The following USP4 variants were observed in gnomAD, a reference collection of about 807,000 sequenced individuals.
USP4 encodes the protein ubiquitin carboxyl-terminal hydrolase 4.
USP4 carries 72 observed loss-of-function variants against 118.2 expected under a neutral mutation model. That is an observed-to-expected ratio of 0.61 (90% CI 0.50 to 0.74). The LOEUF (loss-of-function observed/expected upper bound fraction) is 0.74. Ranked by LOEUF, USP4 falls within the 30% of genes least tolerant of loss-of-function variation. The probability of loss-of-function intolerance (pLI) is 0.00; values close to 1 mark genes in which losing one functional copy is unlikely to be tolerated. For missense variants in USP4, 1,037 were observed against 1,185.7 expected (o/e 0.87, Z 1.84); for synonymous variants, 415 against 440.4 (o/e 0.94, Z 0.72).
In USP4 at chr3:49,335,539, G is replaced by T; in HGVS notation, c.159C>A (p.Ser53Arg). 1 of 1,614,202 alleles carries T rather than the reference G, an allele frequency of 6.2e-7. No individual in the cohort carries two copies. The highest frequency in any genetic ancestry group is 2.2e-5 in the East Asian group (1 of 44,890). The stretch of plus-strand genomic sequence containing the variant: ...GTTCACCCACATTGTACATGTCCCA[G>T]CTGTCAAAGCCCACATACTTCTTCC... The part of the protein sequence containing the change: ...KQWKKYVGFD[S>R]WDMYNVGEHN... The change falls in exon 2 of 22, where the codon AGC becomes AGA. Residue 53 changes from serine to arginine, a missense_variant. This residue lies in a region of USP4 where 487 missense variants were observed against 534.1 expected (regional missense o/e 0.91). Coordinates refer to ENST00000265560, the MANE Select transcript of USP4 (RefSeq NM_003363.4).
chr3:49,328,131 G>A (rs372034742), intron 2 of USP4, among the ~76,000 whole-genome samples: 9 of 151,936 alleles, frequency 5.9e-5, no homozygotes, highest in African/African-American at 1.2e-4. Context: ...AGGCTGAGGC[G>A]GTTGGATCAT....
At chr3:49,334,126 T>C (rs1028843134) in intron 2 of USP4, among the ~76,000 whole-genome samples, 15 of 152,188 alleles carry the variant, frequency 9.9e-5, no homozygotes, top group African/African-American at 3.6e-4. Flanking sequence ...AGACATGAAG[T>C]GAGCACATGC....
At chr3:49,300,432 A>G in intron 11 of USP4, 35 bp downstream of exon 11, 5 of 1,592,632 alleles carry the variant, frequency 3.1e-6, no homozygotes, top group Non-Finnish European at 4.3e-6. Flanking sequence ...GACCACTTGC[A>G]GTGAGGGGTG....
In USP4 at chr3:49,327,754, T is replaced by C. The variant is rs899807557; in HGVS notation, c.292A>G (p.Thr98Ala). The change falls in exon 3 of 22, where the codon ACC (threonine) becomes GCC (alanine). Residue 98 changes from threonine to alanine, a missense_variant. Transcript: ENST00000265560. ...IDELDYVLVP[T>A]EAWNKLLNWY... ...TTTAGTAGTTTATTCCACGCCTCGGTAGGGACCAATACATAGTCCAATTCA... is the reference window on the plus strand; with the variant it reads ...TTTAGTAGTTTATTCCACGCCTCGGCAGGGACCAATACATAGTCCAATTCA... 1.2e-6 allele frequency: 2 copies of C among 1,613,852 alleles called. No individual in the cohort carries two copies. The highest frequency in any genetic ancestry group is 2.2e-5 in the East Asian group (1 of 44,886).
chr3:49,329,957 T>A (rs1444664676), intron 2 of USP4, among the ~76,000 whole-genome samples: 3 of 151,954 alleles, frequency 2.0e-5, no homozygotes, highest in Non-Finnish European at 4.4e-5. Context: ...CTGGCCAACA[T>A]GGTGAAACCT....
At position 49,298,043 on chromosome 3, in the gene USP4, G is replaced by GA. The variant is rs547623796; in HGVS notation, c.1597-80dup. The GA allele has an allele frequency of 7.1e-3, 5,858 of 824,190 alleles. 1 individual carries two copies. Among genetic ancestry groups the GA allele is most frequent in the South Asian group, 9.9e-3 (597 of 60,492 alleles). The allele number at this position is 824,190 out of a possible 1,614,324, so 51.1% of individuals were successfully genotyped here. ...AACTGCTTAAAACCCAGAAACAAAT[G>GA]AAAAAAAAAATACTCATACTCAAAT... On this transcript the variant is annotated intron_variant, in intron 12 of 21. Coordinates refer to ENST00000265560, the MANE Select transcript of USP4 (RefSeq NM_003363.4).
chr3:49,317,826 A>G (rs2107793508), intron 6 of USP4, among the ~76,000 whole-genome samples: 1 of 150,738 alleles, frequency 6.6e-6, no homozygotes, highest in African/African-American at 2.4e-5. Context: ...TGCTGGGATT[A>G]CAGGCATGAG....
At chr3:49,281,491 TAC>T (rs71077782) in intron 19 of USP4, among the ~76,000 whole-genome samples, 20,660 of 126,284 alleles carry the variant, frequency 0.16, 1,892 homozygotes, top group Non-Finnish European at 0.21. Context: ...TATATATATA[TAC>T]ACACACACAC....
At chr3:49,337,424 A>T (rs1337867727) in intron 1 of USP4, among the ~76,000 whole-genome samples, 1 of 152,104 alleles carries the variant, frequency 6.6e-6, no homozygotes, top group Non-Finnish European at 1.5e-5. Context: ...AATGTAAGCA[A>T]ATGTGGTATT....
chr3:49,311,899 T>C, intron 6 of USP4: 5 of 1,174,618 alleles, frequency 4.3e-6, no homozygotes, highest in Non-Finnish European at 5.3e-6. Flanking sequence ...ACCACAAGGC[T>C]GACCAGGCGC....
At chr3:49,330,469 A>G (rs976321021) in intron 2 of USP4, among the ~76,000 whole-genome samples, 32 of 151,718 alleles carry the variant, frequency 2.1e-4, no homozygotes, top group Non-Finnish European at 1.5e-5. Context: ...CTGGGACTAC[A>G]GGCACCCGCC....
chr3:49,309,118 G>C (rs2047353372), intron 8 of USP4, among the ~76,000 whole-genome samples: 1 of 150,446 alleles, frequency 6.6e-6, no homozygotes. Flanking sequence ...TGATCCTCCT[G>C]ACCTCTGCCC....
chr3:49,324,062 G>A (rs556371574), intron 6 of USP4, among the ~76,000 whole-genome samples: 12 of 151,768 alleles, frequency 7.9e-5, no homozygotes, highest in South Asian at 4.2e-4. Context: ...ATAATGGTGC[G>A]ATCTCAGCTC....
chr3:49,283,803 T>C (rs1246218868), intron 19 of USP4, among the ~76,000 whole-genome samples, 184 bp downstream of exon 19: 1 of 152,168 alleles, frequency 6.6e-6, no homozygotes, highest in East Asian at 1.9e-4. Flanking sequence ...CTGGAGAGTC[T>C]CTTCCCCAAA....
intron 12 of USP4, 90 bp downstream of exon 12, chr3:49,298,462 C>T (rs2047231319): frequency 8.0e-7 from 1 of 1,251,314 alleles, no homozygotes; most frequent in Non-Finnish European, 1.2e-6. Context: ...ATAACAACAA[C>T]CCCAAAAAGT....
intron 9 of USP4, among the ~76,000 whole-genome samples, chr3:49,305,275 T>G (rs2047302719): frequency 6.7e-6 from 1 of 148,182 alleles, no homozygotes; most frequent in Non-Finnish European, 1.5e-5. Context: ...AGACGGGGTT[T>G]CACCATGTTA....
At position 49,278,299 on chromosome 3, in the gene USP4, G is replaced by C. The variant is rs775870131; in HGVS notation, c.2886C>G (p.Thr962=). Residue 962 remains threonine (T), a synonymous_variant, in exon 22 of 22, where the codon ACC becomes ACG. Transcript: ENST00000265560. ...FGDDEACSMD[T]N Reference sequence around the variant, plus strand: ...CAGGATCGTGGAGTCAGCATTAGTTGGTGTCCATGCTGCAAGCCTCATCAT... The same window carrying C: ...CAGGATCGTGGAGTCAGCATTAGTTCGTGTCCATGCTGCAAGCCTCATCAT... 3.1e-6 allele frequency: 5 copies of C among 1,613,482 alleles called. No homozygotes were observed. The East Asian group carries it at 8.9e-5, about 29-fold the overall frequency.
intron 15 of USP4, among the ~76,000 whole-genome samples, chr3:49,292,286 TG>T (rs2047159331): frequency 7.5e-6 from 1 of 134,076 alleles, no homozygotes; most frequent in African/African-American, 2.8e-5. Context: ...GACCCCTATC[TG>T]GAAAAAAAAA....
At chr3:49,338,895 C>G (rs1276372563) in intron 1 of USP4, among the ~76,000 whole-genome samples, 1 of 152,108 alleles carries the variant, frequency 6.6e-6, no homozygotes, top group African/African-American at 2.4e-5. Flanking sequence ...CACCTGTAAT[C>G]CCAGCACTTT....
Sources: allele counts gnomAD v4.1 joint callset (sites outside exome capture counted in the v4.1 genomes callset), GRCh38; gene constraint gnomAD v4.1.1; regional missense constraint gnomAD v4.1.1; transcripts MANE v1.5; gene names NCBI Gene and HGNC (gene_info 2026-07-23, HGNC 2026-07-21).